Variants in RICTOR observed in about 807,000 individuals in gnomAD.
The protein encoded by RICTOR is rapamycin-insensitive companion of mTOR.
In RICTOR, 49 loss-of-function variants were observed where a neutral mutation model predicts 214.9. The observed-to-expected ratio is 0.23, with a 90% CI of 0.18 to 0.29. The LOEUF is 0.29. RICTOR is among the 10% of genes least tolerant of loss of function. The pLI is 1.00. For synonymous variants in RICTOR, 717 were observed against 711.3 expected (o/e 1.01, Z -0.13); for missense variants, 1,625 against 2,047.0 (o/e 0.79, Z 3.98).
rs1335589030 is a variant in RICTOR at position 38,950,440 on chromosome 5, C to T, written c.3408G>A (p.Glu1136=). 3 of 1,613,326 alleles carry T rather than the reference C, an allele frequency of 1.9e-6. No homozygotes were observed. The highest frequency in any genetic ancestry group is 2.5e-6 in the Non-Finnish European group (3 of 1,179,612). ...CACTATGATTAAAATCAACACTGGG[C>T]TCCGTAAGTGTTCTGATTCGCCTGT... ...TSNRRIRTLT[E]PSVDFNHSDD... The change falls in exon 31 of 38, where the codon GAG becomes GAA. Residue 1136 remains glutamate, a synonymous_variant. Coordinates refer to ENST00000357387, the MANE Select transcript of RICTOR (RefSeq NM_152756.5).
intron 3 of RICTOR, among the ~76,000 whole-genome samples, chr5:39,010,365 C>T (rs1344621903): frequency 6.6e-6 from 1 of 152,198 alleles, no homozygotes; most frequent in Non-Finnish European, 1.5e-5. Context: ...ATTATCCAAT[C>T]TCAGGCAGTT....
At position 39,035,037 on chromosome 5, in the gene RICTOR, C is replaced by T. The variant is rs575595312; in HGVS notation, c.98-13901G>A. ...GCCTCCTCAAGTGGGTCCCTGACCCCTGACCCCTGAGCAGCCTAACTGGGA... is the reference window on the plus strand; with the variant it reads ...GCCTCCTCAAGTGGGTCCCTGACCCTTGACCCCTGAGCAGCCTAACTGGGA... On this transcript the variant is annotated intron_variant, in intron 2 of 37. Coordinates refer to ENST00000357387, the MANE Select transcript of RICTOR (RefSeq NM_152756.5). 1.1e-3 allele frequency among the ~76,000 whole-genome samples: 166 copies of T among 152,366 alleles called. 2 individuals carry two copies. The highest frequency in any genetic ancestry group is 3.4e-3 in the Middle Eastern group (1 of 294).
chr5:39,028,216 T>A, intron 2 of RICTOR, among the ~76,000 whole-genome samples: 1 of 124,264 alleles, frequency 8.0e-6, no homozygotes, highest in African/African-American at 3.0e-5. Flanking sequence ...GGAGTCTCGC[T>A]CTGTCGCCCA....
At chr5:38,961,149 TA>T (rs950910248) in intron 19 of RICTOR, among the ~76,000 whole-genome samples, 1 of 151,342 alleles carries the variant, frequency 6.6e-6, no homozygotes, top group East Asian at 1.9e-4. Flanking sequence ...AACCTTCATT[TA>T]AAAAAAAATC....
At chr5:38,970,143 G>A (rs1750658542) in intron 11 of RICTOR, 1 of 152,164 alleles carries the variant, frequency 6.6e-6, no homozygotes, top group African/African-American at 2.4e-5. Flanking sequence ...GTAGTAGGCT[G>A]TACCATCTAG....
At chr5:39,000,623 A>G (rs1200673209) in intron 5 of RICTOR, among the ~76,000 whole-genome samples, 1 of 152,000 alleles carries the variant, frequency 6.6e-6, no homozygotes, top group Non-Finnish European at 1.5e-5. Flanking sequence ...TATTCAGTGC[A>G]ATATTCTAAC....
Position 38,995,846 on chromosome 5 carries a change from G to A in RICTOR, c.456+973C>T, listed in dbSNP as rs190796982. ...AATTACAATCCTAGTGTAACAGTTC[G>A]CCTATAACAAGAGTCTCCTAATCTA... On this transcript the variant is annotated intron_variant, in intron 6 of 37. Transcript: ENST00000357387. Among the ~76,000 whole-genome samples, 447 of 152,130 alleles carry A rather than the reference G, an allele frequency of 2.9e-3. 3 individuals carry two copies. The highest frequency in any genetic ancestry group is 0.01 in the African/African-American group (420 of 41,512).
intron 2 of RICTOR, among the ~76,000 whole-genome samples, chr5:39,033,825 G>A (rs1453553968): frequency 2.0e-5 from 3 of 151,906 alleles, no homozygotes; most frequent in South Asian, 2.1e-4. Flanking sequence ...ATGTACCACC[G>A]AAACTAAAGG....
chr5:39,071,508 G>A (rs186165700), intron 2 of RICTOR, among the ~76,000 whole-genome samples: 345 of 152,286 alleles, frequency 2.3e-3, no homozygotes, highest in African/African-American at 8.0e-3. Flanking sequence ...CCGGTCTTAT[G>A]CCAAGTACTT....
intron 8 of RICTOR, among the ~76,000 whole-genome samples, chr5:38,979,471 C>T (rs1751529113): frequency 6.6e-6 from 1 of 152,104 alleles, no homozygotes; most frequent in African/African-American, 2.4e-5. Context: ...CTCTTCATTC[C>T]TTCCTGCATT....
chr5:39,074,202 G>A (rs1398852564), intron 1 of RICTOR, 44 bp from the exon 2 acceptor site: 13 of 1,585,268 alleles, frequency 8.2e-6, no homozygotes, highest in Non-Finnish European at 1.0e-5. Flanking sequence ...TTGGCTCGCA[G>A]GCCAGCTGCG....
intron 2 of RICTOR, among the ~76,000 whole-genome samples, chr5:39,072,428 G>A (rs1435926917): frequency 2.0e-5 from 3 of 152,114 alleles, no homozygotes; most frequent in Non-Finnish European, 2.9e-5. Context: ...GGAGCTCGAC[G>A]AACTCAATTT....
At chr5:38,993,355 A>G (rs1219445410) in intron 6 of RICTOR, among the ~76,000 whole-genome samples, 1 of 152,196 alleles carries the variant, frequency 6.6e-6, no homozygotes, top group Non-Finnish European at 1.5e-5. Context: ...CAGCGAGTAG[A>G]ATTTAAATAA....
chr5:38,993,291 T>C (rs1025528190), intron 6 of RICTOR, among the ~76,000 whole-genome samples: 1 of 152,140 alleles, frequency 6.6e-6, no homozygotes, highest in Non-Finnish European at 1.5e-5. Flanking sequence ...GAATTCCTTA[T>C]TACATGAATA....
At chr5:38,966,912 T>G in intron 14 of RICTOR, 191 bp from the exon 15 acceptor site, 1 of 588,876 alleles carries the variant, frequency 1.7e-6, no homozygotes, top group Non-Finnish European at 3.0e-6. Context: ...GCAATTCTCG[T>G]GTGTCAGCCT....
Position 38,966,652 on chromosome 5 carries a change from G to T in RICTOR, c.1288C>A (p.Leu430Ile). 6.5e-7 allele frequency: 1 copy of T among 1,541,074 alleles called. No homozygotes were observed. The highest frequency in any genetic ancestry group is 8.9e-7 in the Non-Finnish European group (1 of 1,117,776). Residue 430 changes from leucine to isoleucine, a missense_variant, in exon 15 of 38, where the codon CTT becomes ATT. Physicochemically the swap from Leu to Ile is conservative, Grantham distance 5. This residue lies in a region of RICTOR where 1,214 missense variants were observed against 1,470.5 expected (regional missense o/e 0.83). Transcript: ENST00000357387. Reference sequence around the variant, plus strand: ...GTTGCTAAACTTACCATATGTAAAAGCTCTCCTAAAAGGATGGTAGCTCTA... The same window carrying T: ...GTTGCTAAACTTACCATATGTAAAATCTCTCCTAAAAGGATGGTAGCTCTA... ...SVRATILLGE[L>I]LHMANTILPH...
intron 2 of RICTOR, among the ~76,000 whole-genome samples, chr5:39,045,754 C>T (rs947050005): frequency 6.6e-6 from 1 of 152,064 alleles, no homozygotes; most frequent in Non-Finnish European, 1.5e-5. Context: ...TAGTTCAGAT[C>T]ATTTGTCAGA....
At chr5:38,952,079 C>T (rs962270651) in intron 30 of RICTOR, 117 bp downstream of exon 30, 2 of 644,010 alleles carry the variant, frequency 3.1e-6, no homozygotes, top group African/African-American at 3.7e-5. Flanking sequence ...CTATTATTGC[C>T]AAATAATTAT....
At chr5:38,989,052 C>G (rs879712083) in intron 7 of RICTOR, among the ~76,000 whole-genome samples, 16 of 152,058 alleles carry the variant, frequency 1.1e-4, no homozygotes, top group Admixed American at 9.2e-4. Context: ...CCCATATAGC[C>G]AAGACAATCC....
Sources: gnomAD v4.1 joint callset for allele counts (sites outside exome capture counted in the v4.1 genomes callset) on GRCh38, gnomAD v4.1.1 for gene constraint, gnomAD v4.1.1 regional missense constraint, MANE v1.5 for transcripts, NCBI Gene and HGNC (gene_info 2026-07-23, HGNC 2026-07-21) for gene names.